HCRTR2: variants seen among roughly 807,000 people sequenced by gnomAD.
The protein encoded by HCRTR2 is orexin receptor type 2.
HCRTR2 carries 22 observed loss-of-function variants against 49.0 expected under a neutral mutation model. That is an observed-to-expected ratio of 0.45 (90% CI 0.32 to 0.64). The LOEUF (loss-of-function observed/expected upper bound fraction) is 0.64. HCRTR2 is among the 30% of genes least tolerant of loss of function. The pLI, the probability that HCRTR2 is intolerant of heterozygous loss-of-function variation, is 0.04. For synonymous variants in HCRTR2, 236 were observed against 205.3 expected (o/e 1.15, Z -1.28); for missense variants, 491 against 559.4 (o/e 0.88, Z 1.23).
chr6:55,279,068 C>A (rs527998721), intron 5 of HCRTR2, among the ~76,000 whole-genome samples: 1 of 152,040 alleles, frequency 6.6e-6, no homozygotes, highest in African/African-American at 2.4e-5. Context: ...AAACAAATAA[C>A]TTTCAAAGGA....
At position 55,205,174 on chromosome 6, in the gene HCRTR2, A is replaced by T. The variant is rs1214544056; in HGVS notation, c.223+30364A>T. Among the ~76,000 whole-genome samples, 3 of 152,246 alleles carry T rather than the reference A, an allele frequency of 2.0e-5. No homozygotes were observed. The East Asian group carries it at 5.8e-4, about 29-fold the overall frequency. On this transcript the variant is annotated intron_variant, in intron 1 of 6. Transcript: ENST00000370862. ...ATATGAGAATGGAGTTTTCTAGAGA[A>T]GTCTGGGTTGAGGATGTACTTTTGG...
chr6:55,126,616 A>T (rs1016324138), intron 1 of HCRTR2, among the ~76,000 whole-genome samples: 21 of 152,194 alleles, frequency 1.4e-4, no homozygotes, highest in African/African-American at 4.8e-4. Flanking sequence ...CAGAGCTCGA[A>T]TGCTGTGCTG....
chr6:55,226,020 G>A (rs769738064), intron 1 of HCRTR2, among the ~76,000 whole-genome samples: 28 of 152,190 alleles, frequency 1.8e-4, no homozygotes, highest in Non-Finnish European at 3.8e-4. Flanking sequence ...GCATCCCTGT[G>A]CAATGAGAGG....
At chr6:55,122,378 C>A (rs369695228) in intron 1 of HCRTR2, among the ~76,000 whole-genome samples, 2 of 151,888 alleles carry the variant, frequency 1.3e-5, no homozygotes, top group South Asian at 4.1e-4. Flanking sequence ...GTCTTGCTAG[C>A]GATCTATGAA....
At chr6:55,190,710 G>C (rs1188994502) in intron 1 of HCRTR2, among the ~76,000 whole-genome samples, 1 of 152,068 alleles carries the variant, frequency 6.6e-6, no homozygotes, top group Non-Finnish European at 1.5e-5. Flanking sequence ...AATCATCACA[G>C]CTACATTTTT....
chr6:55,186,927 G>GA (rs1466030739), intron 1 of HCRTR2, among the ~76,000 whole-genome samples: 2 of 152,082 alleles, frequency 1.3e-5, no homozygotes, highest in African/African-American at 4.8e-5. Flanking sequence ...GCAAACAATG[G>GA]AAAAAATAAT....
In HCRTR2 at chr6:55,169,339, G is replaced by A. The variant is rs1009118840; in HGVS notation, c.-377-4872G>A. 2.0e-5 allele frequency among the ~76,000 whole-genome samples: 3 copies of A among 151,986 alleles called. No homozygotes were observed. In the East Asian group the frequency reaches 5.9e-4, roughly 30 times the overall value. On this transcript the variant is annotated intron_variant, in intron 1 of 7. Coordinates refer to the HCRTR2 transcript ENST00000615358. ...TCTGAGAAGAGACATAATTAAAACAGGGCATGGGAGGTAATAGAAAGATTG... is the reference window on the plus strand; with the variant it reads ...TCTGAGAAGAGACATAATTAAAACAAGGCATGGGAGGTAATAGAAAGATTG...
At chr6:55,141,321 G>A (rs924071133) in intron 1 of HCRTR2, among the ~76,000 whole-genome samples, 3 of 152,056 alleles carry the variant, frequency 2.0e-5, no homozygotes, top group African/African-American at 7.2e-5. Flanking sequence ...TCCAGCCTGG[G>A]CGACAGAGCA....
At chr6:55,186,317 A>G (rs557169136) in intron 1 of HCRTR2, among the ~76,000 whole-genome samples, 1 of 152,134 alleles carries the variant, frequency 6.6e-6, no homozygotes, top group African/African-American at 2.4e-5. Flanking sequence ...TTCTATATAA[A>G]TATTTAAAAT....
In HCRTR2 at chr6:55,282,563, C is replaced by CTTT; in HGVS notation, c.*119_*121dup. ...TGTGAAGCTAAAATTACTTGTGGAT[C>CTTT]TTTTTTTTTTTTAATCTATTGCTCT... On this transcript the variant is annotated 3_prime_UTR_variant, in exon 7 of 7. Coordinates refer to ENST00000370862, the MANE Select transcript of HCRTR2 (RefSeq NM_001384272.1). 2 of 552,034 alleles carry CTTT rather than the reference C, an allele frequency of 3.6e-6. No individual in the cohort carries two copies. Among genetic ancestry groups the CTTT allele is most frequent in the South Asian group, 2.2e-5 (1 of 46,442 alleles). 34.2% of individuals were successfully genotyped at this position (552,034 alleles called of 1,614,324 possible).
chr6:55,273,721 A>ATTTGAACACTTTTTGC (rs1767017982), intron 4 of HCRTR2, among the ~76,000 whole-genome samples: 1 of 151,002 alleles, frequency 6.6e-6, no homozygotes, highest in Admixed American at 6.6e-5. Flanking sequence ...TCCTACTTTG[A>ATTTGAACACTTTTTGC]TTTGAATACT....
intron 1 of HCRTR2, among the ~76,000 whole-genome samples, chr6:55,147,247 A>G (rs575114067): frequency 6.3e-4 from 96 of 152,262 alleles, no homozygotes; most frequent in African/African-American, 2.1e-3. Flanking sequence ...TAAAAGTATA[A>G]TATATACATT....
chr6:55,113,124 C>A (rs1317389463), intron 1 of HCRTR2, among the ~76,000 whole-genome samples: 3 of 151,994 alleles, frequency 2.0e-5, no homozygotes, highest in African/African-American at 7.2e-5. Flanking sequence ...ATACAAAAAT[C>A]AACTTAAGAC....
intron 1 of HCRTR2, among the ~76,000 whole-genome samples, chr6:55,192,651 T>C (rs1314210120): frequency 2.0e-5 from 3 of 152,208 alleles, no homozygotes; most frequent in African/African-American, 7.2e-5. Context: ...TGTATTTACA[T>C]AGAACATTGA....
intron 1 of HCRTR2, among the ~76,000 whole-genome samples, chr6:55,140,419 C>G (rs1764491314): frequency 6.6e-6 from 1 of 152,140 alleles, no homozygotes; most frequent in African/African-American, 2.4e-5. Context: ...GCTCTTCACT[C>G]AAATCTTGCC....
At chr6:55,220,121 GA>G (rs547846580) in intron 1 of HCRTR2, among the ~76,000 whole-genome samples, 29 of 151,002 alleles carry the variant, frequency 1.9e-4, no homozygotes, top group African/African-American at 3.9e-4. Flanking sequence ...ACATTTAATA[GA>G]AAAAAAAATG....
intron 1 of HCRTR2, among the ~76,000 whole-genome samples, chr6:55,214,134 G>GGAGGAAGA (rs763371454): frequency 6.6e-6 from 1 of 152,008 alleles, no homozygotes; most frequent in South Asian, 2.1e-4. Flanking sequence ...GACACCAAAG[G>GGAGGAAGA]GAGGAAGAGA....
intron 1 of HCRTR2, among the ~76,000 whole-genome samples, chr6:55,200,929 C>T (rs751199836): frequency 4.6e-5 from 7 of 151,916 alleles, no homozygotes; most frequent in East Asian, 1.9e-4. Context: ...TTTTGATATA[C>T]GTACTGATTT....
At chr6:55,174,366 A>C, upstream of HCRTR2, 1 of 572,060 alleles carries the variant, frequency 1.7e-6, no homozygotes, top group Non-Finnish European at 3.2e-6. Flanking sequence ...TCAGCTGCCT[A>C]TCTTCCCGGT....
Sources: gnomAD v4.1 joint callset for allele counts (sites outside exome capture counted in the v4.1 genomes callset) on GRCh38, gnomAD v4.1.1 for gene constraint, MANE v1.5 for transcripts, NCBI Gene and HGNC (gene_info 2026-07-23, HGNC 2026-07-21) for gene names.